The following BCR variants were observed in gnomAD, a reference collection of about 807,000 sequenced individuals.
The protein encoded by BCR is BCR activator of RhoGEF and GTPase.
A neutral mutation model predicts 138.6 loss-of-function variants in BCR; 58 were observed. The observed-to-expected ratio is 0.42, with a 90% CI of 0.34 to 0.52. The LOEUF (loss-of-function observed/expected upper bound fraction) is 0.52. BCR is among the 20% of genes least tolerant of loss of function. The pLI, the probability that BCR is intolerant of heterozygous loss-of-function variation, is 0.06. For missense variants in BCR, 1,599 were observed against 1,727.2 expected, an observed-to-expected ratio of 0.93 and a Z score of 1.32; for synonymous variants, 786 against 730.1, an observed-to-expected ratio of 1.08 and a Z score of -1.23.
chr22:23,201,271 C>T (rs2072550476), intron 1 of BCR, among the ~76,000 whole-genome samples: 1 of 152,148 alleles, frequency 6.6e-6, no homozygotes, highest in Admixed American at 6.5e-5. Flanking sequence ...GGCTGCATTC[C>T]CTGCTGGGGC....
chr22:23,229,174 T>G (rs567118278), intron 1 of BCR, among the ~76,000 whole-genome samples: 1 of 152,384 alleles, frequency 6.6e-6, no homozygotes, highest in South Asian at 2.1e-4. Context: ...TGTTTATTTT[T>G]TGGTTCTAAA....
At chr22:23,184,327 G>A (rs2072311047) in intron 1 of BCR, among the ~76,000 whole-genome samples, 2 of 152,046 alleles carry the variant, frequency 1.3e-5, no homozygotes. Flanking sequence ...CTGGGCTCAA[G>A]CATTCCTCTA....
intron 11 of BCR, 53 bp downstream of exon 11, chr22:23,287,331 C>T (rs184450719): frequency 6.7e-7 from 1 of 1,481,526 alleles, no homozygotes; most frequent in East Asian, 2.5e-5. Context: ...GGATGGGCTC[C>T]TGGTTGCCTA....
Position 23,181,024 on chromosome 22 carries a change from C to A in BCR, c.64C>A (p.Arg22Ser). ...KAQFPDSEPP[R>S]MELRSVGDIE... ...GCAGTTCCCGGACTCAGAGCCCCCG[C>A]GCATGGAGCTGCGCTCAGTGGGCGA... The change falls in exon 1 of 23, where the codon CGC (arginine) becomes AGC (serine). Residue 22 changes from arginine (R) to serine (S), a missense_variant. Arg to Ser is a moderately radical substitution (Grantham distance 110). Transcript: ENST00000305877. 1 of 1,500,708 alleles carries A rather than the reference C, an allele frequency of 6.7e-7. No homozygotes were observed. The highest frequency in any genetic ancestry group is 1.4e-5 in the African/African-American group (1 of 69,936). The allele number at this position is 1,500,708 out of a possible 1,614,324, so 93.0% of individuals were successfully genotyped here. A position where few individuals can be genotyped will look rare whatever the true frequency, so the allele number is the denominator to read the frequency against.
At chr22:23,250,816 A>C (rs797020957) in intron 1 of BCR, among the ~76,000 whole-genome samples, 1 of 152,192 alleles carries the variant, frequency 6.6e-6, no homozygotes, top group South Asian at 2.1e-4. Flanking sequence ...TAGCGAGTCA[A>C]CGTCTCTGTT....
At chr22:23,195,346 G>A (rs940617518) in intron 1 of BCR, among the ~76,000 whole-genome samples, 26 of 150,874 alleles carry the variant, frequency 1.7e-4, no homozygotes, top group Admixed American at 5.3e-4. Context: ...CTTGAACTCA[G>A]GAGGCAGAGG....
At chr22:23,199,361 C>T (rs764839741) in intron 1 of BCR, 13 of 513,402 alleles carry the variant, frequency 2.5e-5, no homozygotes, top group Admixed American at 1.0e-4. Flanking sequence ...TTGTGAGCCC[C>T]GCGGTTGCTT....
chr22:23,303,816 A>G (rs2073928769), intron 16 of BCR, among the ~76,000 whole-genome samples: 1 of 152,114 alleles, frequency 6.6e-6, no homozygotes, highest in South Asian at 2.1e-4. Flanking sequence ...CTTTTGTACC[A>G]TGAAATGCAT....
At chr22:23,268,711 G>A (rs772736733) in intron 5 of BCR, among the ~76,000 whole-genome samples, 196 bp downstream of exon 5, 7 of 152,330 alleles carry the variant, frequency 4.6e-5, no homozygotes, top group Non-Finnish European at 7.4e-5. Context: ...CCCACAGGGC[G>A]TCCTGCCTCC....
At chr22:23,215,465 C>T (rs2072741020) in intron 1 of BCR, among the ~76,000 whole-genome samples, 3 of 152,154 alleles carry the variant, frequency 2.0e-5, no homozygotes, top group Non-Finnish European at 2.9e-5. Context: ...ATAAAGAGGG[C>T]GGGAATTCTT....
At chr22:23,249,356 C>T (rs889602490) in intron 1 of BCR, among the ~76,000 whole-genome samples, 9 of 150,952 alleles carry the variant, frequency 6.0e-5, no homozygotes, top group East Asian at 3.9e-4. Context: ...GGCGTGAACC[C>T]GGAAGGTGGA....
At chr22:23,241,091 T>TA (rs2073085155) in intron 1 of BCR, among the ~76,000 whole-genome samples, 2 of 152,374 alleles carry the variant, frequency 1.3e-5, no homozygotes, top group South Asian at 4.1e-4. Flanking sequence ...TGATGGATGC[T>TA]AGGGTTGCTG....
chr22:23,181,916 G>C lies in BCR; in HGVS notation c.956G>C (p.Arg319Pro). ...TGGCCCCGCAGGTCCTACTCCCCCC[G>C]GAGTTTTGAGGATTGCGGAGGCGGC... ...LTWPRRSYSP[R>P]SFEDCGGGYT... The change falls in exon 1 of 23, where the codon CGG becomes CCG. Residue 319 changes from arginine (R) to proline (P), a missense_variant. This residue lies in a region of BCR where 806 missense variants were observed against 635.0 expected (regional missense o/e 1.27). Coordinates refer to ENST00000305877, the MANE Select transcript of BCR (RefSeq NM_004327.4). 1 of 1,613,504 alleles carries C rather than the reference G, an allele frequency of 6.2e-7. No individual in the cohort carries two copies. Among genetic ancestry groups the C allele is most frequent in the Non-Finnish European group, 8.5e-7 (1 of 1,179,958 alleles).
chr22:23,275,370 G>A (rs3788359), intron 8 of BCR, among the ~76,000 whole-genome samples: 19,983 of 152,276 alleles, frequency 0.13, 1,794 homozygotes, highest in East Asian at 0.48. Flanking sequence ...TTGCAGCAGG[G>A]TGGGAACATG....
In BCR at chr22:23,277,221, A is replaced by G. The variant is rs138087959; in HGVS notation, c.2115+3447A>G. Among the ~76,000 whole-genome samples the G allele has an allele frequency of 3.0e-3, 456 of 152,328 alleles. 5 individuals are homozygous for G. Among genetic ancestry groups the G allele is most frequent in the African/African-American group, 0.01 (434 of 41,574 alleles). On this transcript the variant is annotated intron_variant, in intron 8 of 22. Coordinates refer to ENST00000305877, the MANE Select transcript of BCR (RefSeq NM_004327.4). The stretch of plus-strand genomic sequence containing the variant: ...AAAGGGACTGTGCCTCTGCATTCTC[A>G]TGACAGTTCTGTGGGGTCAGAGGTG...
intron 1 of BCR, among the ~76,000 whole-genome samples, chr22:23,229,672 G>C (rs762642215): frequency 2.4e-4 from 36 of 152,300 alleles, no homozygotes; most frequent in Non-Finnish European, 3.7e-4. Flanking sequence ...CAGTTTAGGG[G>C]TGAGCCCAGG....
rs868551442 is a variant in BCR, at chr22:23,181,134, C to T, written c.174C>T (p.Tyr58=). Residue 58 remains tyrosine (Y), a synonymous_variant, in exon 1 of 23, where the codon TAC becomes TAT. Coordinates refer to ENST00000305877, the MANE Select transcript of BCR (RefSeq NM_004327.4). The part of the protein sequence containing the change: ...EVNQERFRMI[Y]LQTLLAKEKK... ...ACCAGGAGCGCTTCCGCATGATCTA[C>T]CTGCAGACGTTGCTGGCCAAGGAAA... 7.4e-6 allele frequency: 11 copies of T among 1,483,204 alleles called. No individual in the cohort carries two copies. Among genetic ancestry groups the T allele is most frequent in the South Asian group, 3.9e-5 (3 of 77,598 alleles). The allele number at this position is 1,483,204 out of a possible 1,614,324, so 91.9% of individuals were successfully genotyped here. A position where few individuals can be genotyped will look rare whatever the true frequency, so the allele number is the denominator to read the frequency against.
chr22:23,289,416 C>A, intron 12 of BCR, 101 bp from the exon 13 acceptor site: 1 of 975,644 alleles, frequency 1.0e-6, no homozygotes, highest in South Asian at 1.5e-5. Flanking sequence ...CAGTTCTTGC[C>A]GTGCCCCTTC....
chr22:23,219,626 G>T (rs1362817147), intron 1 of BCR, among the ~76,000 whole-genome samples: 2 of 152,194 alleles, frequency 1.3e-5, no homozygotes, highest in Non-Finnish European at 2.9e-5. Flanking sequence ...GACCCTCCAC[G>T]CTCGTGGGCA....
Sources: gnomAD v4.1 joint callset for allele counts (sites outside exome capture counted in the v4.1 genomes callset) on GRCh38, gnomAD v4.1.1 for gene constraint, gnomAD v4.1.1 regional missense constraint, MANE v1.5 for transcripts, NCBI Gene and HGNC (gene_info 2026-07-23, HGNC 2026-07-21) for gene names.